SWT1: variants seen among roughly 807,000 people sequenced by gnomAD.
SWT1 encodes the protein transcriptional protein SWT1.
SWT1 carries 33 observed loss-of-function variants against 107.3 expected under a neutral mutation model. That is an observed-to-expected ratio of 0.31 (90% CI 0.23 to 0.41). The LOEUF is 0.41. Among genes scored for constraint, SWT1 ranks in the 10% least tolerant of loss-of-function variants. SWT1 has a pLI of 1.00. For missense variants in SWT1, 898 were observed against 1,028.9 expected (o/e 0.87, Z 1.74); for synonymous variants, 345 against 348.3 (o/e 0.99, Z 0.11).
At chr1:185,266,112 G>C (rs1663356051) in intron 16 of SWT1, among the ~76,000 whole-genome samples, 1 of 151,978 alleles carries the variant, frequency 6.6e-6, no homozygotes, top group Non-Finnish European at 1.5e-5. Context: ...TGCCCAGGCT[G>C]GAGTGCAGTG....
rs567364557 is a variant in SWT1 at position 185,178,878 on chromosome 1, T to A, written c.967-1513T>A. Among the ~76,000 whole-genome samples the A allele has an allele frequency of 8.5e-5, 13 of 152,326 alleles. No individual in the cohort carries two copies. In the East Asian group the frequency reaches 2.5e-3, roughly 29 times the overall value. On this transcript the variant is annotated intron_variant, in intron 5 of 18. Coordinates refer to ENST00000367500, the MANE Select transcript of SWT1 (RefSeq NM_017673.7). ...TGTTGTTATATCATGTGAGGTTTGA[T>A]GTTGGGTGGAAGCTGATTTCCCAGT...
At chr1:185,239,008 A>G (rs769409606) in intron 16 of SWT1, among the ~76,000 whole-genome samples, 33 of 152,284 alleles carry the variant, frequency 2.2e-4, no homozygotes, top group Non-Finnish European at 4.0e-4. Context: ...TTTGAGATGC[A>G]TGCTCAGTGA....
At chr1:185,167,170 A>T (rs1654653211) in intron 3 of SWT1, among the ~76,000 whole-genome samples, 1 of 152,138 alleles carries the variant, frequency 6.6e-6, no homozygotes, top group African/African-American at 2.4e-5. Flanking sequence ...AGCCTCCCAG[A>T]GGTTATATTT....
At chr1:185,221,289 G>T (rs1044466577) in intron 14 of SWT1, among the ~76,000 whole-genome samples, 3 of 151,970 alleles carry the variant, frequency 2.0e-5, no homozygotes, top group Admixed American at 2.0e-4. Flanking sequence ...TCTCCTCTTG[G>T]ATTATTTCAG....
chr1:185,169,030 A>C (rs2102321657), intron 4 of SWT1, among the ~76,000 whole-genome samples: 1 of 152,292 alleles, frequency 6.6e-6, no homozygotes, highest in South Asian at 2.1e-4. Flanking sequence ...TTAAGGGAAA[A>C]CAAGTAAGAT....
intron 9 of SWT1, among the ~76,000 whole-genome samples, chr1:185,185,692 A>G (rs1656410181): frequency 6.6e-6 from 1 of 152,172 alleles, no homozygotes; most frequent in Non-Finnish European, 1.5e-5. Flanking sequence ...TCTTAAGAGG[A>G]ATCCAATTAT....
At chr1:185,219,931 A>G (rs1389219134) in intron 14 of SWT1, among the ~76,000 whole-genome samples, 2 of 151,896 alleles carry the variant, frequency 1.3e-5, no homozygotes, top group African/African-American at 4.8e-5. Flanking sequence ...TGCCACAACC[A>G]GTCTGGGCAA....
chr1:185,243,654 C>T (rs921847804), intron 16 of SWT1, among the ~76,000 whole-genome samples: 2 of 152,202 alleles, frequency 1.3e-5, no homozygotes, highest in Non-Finnish European at 2.9e-5. Context: ...GCGCCAATCC[C>T]TGTTAACAAG....
intron 16 of SWT1, among the ~76,000 whole-genome samples, chr1:185,261,578 T>G (rs1558085755): frequency 6.6e-6 from 1 of 152,152 alleles, no homozygotes; most frequent in Non-Finnish European, 1.5e-5. Context: ...TACCATACTG[T>G]TTTTCATCAC....
Position 185,290,979 on chromosome 1 carries a change from A to T in SWT1, c.*176A>T, listed in dbSNP as rs995705691. The T allele has an allele frequency of 7.3e-6, 3 of 412,570 alleles. No individual in the cohort carries two copies. The highest frequency in any genetic ancestry group is 1.3e-5 in the Non-Finnish European group (3 of 235,194). The allele number at this position is 412,570 out of a possible 1,614,324, so 25.6% of individuals were successfully genotyped here. On this transcript the variant is annotated 3_prime_UTR_variant, in exon 19 of 19. Transcript: ENST00000367500. ...ATTGTAGCTCTAAAAAGCCTAATGTATCCACTGTGGAATAAACTCCATAGA... is the reference window on the plus strand; with the variant it reads ...ATTGTAGCTCTAAAAAGCCTAATGTTTCCACTGTGGAATAAACTCCATAGA...
intron 10 of SWT1, among the ~76,000 whole-genome samples, chr1:185,195,795 C>A (rs993698401): frequency 1.3e-5 from 2 of 152,192 alleles, no homozygotes; most frequent in Non-Finnish European, 2.9e-5. Flanking sequence ...TAAATGTCTT[C>A]TTTTAAGAAG....
intron 15 of SWT1, among the ~76,000 whole-genome samples, chr1:185,225,528 G>T (rs1042179113): frequency 1.3e-5 from 2 of 152,148 alleles, no homozygotes; most frequent in Non-Finnish European, 2.9e-5. Context: ...CAGCAATGAA[G>T]CCATCAGGTT....
At chr1:185,263,621 C>T (rs757879308) in intron 16 of SWT1, 2 of 152,288 alleles carry the variant, frequency 1.3e-5, no homozygotes, top group South Asian at 2.1e-4. Flanking sequence ...ACCTAATTAA[C>T]GAGATGGATT....
chr1:185,191,497 G>T (rs1315022888), intron 10 of SWT1, among the ~76,000 whole-genome samples: 1 of 151,956 alleles, frequency 6.6e-6, no homozygotes, highest in Admixed American at 6.6e-5. Context: ...AATTCTTTCT[G>T]TGAAATGGAG....
At chr1:185,170,813 A>T (rs779337132) in intron 4 of SWT1, among the ~76,000 whole-genome samples, 1 of 152,198 alleles carries the variant, frequency 6.6e-6, no homozygotes, top group East Asian at 1.9e-4. Context: ...GAAGAAAAGG[A>T]TTAGTATACA....
intron 13 of SWT1, among the ~76,000 whole-genome samples, chr1:185,207,235 C>G (rs949090147): frequency 2.0e-5 from 3 of 152,114 alleles, no homozygotes; most frequent in African/African-American, 7.2e-5. Flanking sequence ...AAACCTTTGG[C>G]TTTGGTGTAT....
intron 18 of SWT1, among the ~76,000 whole-genome samples, chr1:185,283,706 G>A (rs1664782336): frequency 6.6e-6 from 1 of 152,118 alleles, no homozygotes; most frequent in Non-Finnish European, 1.5e-5. Context: ...GCAATCAGAT[G>A]CACCCCATCT....
At chr1:185,172,267 A>G (rs1215688819) in intron 4 of SWT1, among the ~76,000 whole-genome samples, 1 of 152,228 alleles carries the variant, frequency 6.6e-6, no homozygotes, top group Non-Finnish European at 1.5e-5. Flanking sequence ...TGCTGTTTCT[A>G]ACATTTTAGC....
chr1:185,291,719 G>C lies in SWT1; in HGVS notation c.*916G>C, dbSNP rs908878665. ...GGCTTTTTACTTCCAAATTGTTTCT[G>C]ATATGTACATAAGGTATGATTATAA... On this transcript the variant is annotated 3_prime_UTR_variant, in exon 19 of 19. Transcript: ENST00000367500. 6.6e-6 allele frequency: 1 copy of C among 152,530 alleles called. No individual in the cohort carries two copies. Among genetic ancestry groups the C allele is most frequent in the African/African-American group, 2.4e-5 (1 of 41,422 alleles). 9.4% of individuals were successfully genotyped at this position (152,530 alleles called of 1,614,324 possible).
Sources: gnomAD v4.1 joint callset for allele counts (sites outside exome capture counted in the v4.1 genomes callset) on GRCh38, gnomAD v4.1.1 for gene constraint, MANE v1.5 for transcripts, NCBI Gene and HGNC (gene_info 2026-07-23, HGNC 2026-07-21) for gene names.